Variants in NLGN1 observed in about 807,000 individuals in gnomAD.
The protein encoded by NLGN1 is neuroligin 1.
A neutral mutation model predicts 65.5 loss-of-function variants in NLGN1; 12 were observed. The ratio of observed to expected loss-of-function variants is 0.18; its 90% confidence interval spans 0.12 to 0.30. The LOEUF is 0.30. Among genes scored for constraint, NLGN1 ranks in the 10% least tolerant of loss-of-function variants. The pLI, the probability that NLGN1 is intolerant of heterozygous loss-of-function variation, is 1.00. For synonymous variants in NLGN1, 350 were observed against 359.5 expected, an observed-to-expected ratio of 0.97 and a Z score of 0.30; for missense variants, 750 against 1,007.1, an observed-to-expected ratio of 0.74 and a Z score of 3.46.
intron 4 of NLGN1, among the ~76,000 whole-genome samples, chr3:174,231,006 A>T (rs778588716): frequency 2.6e-5 from 4 of 152,150 alleles, no homozygotes; most frequent in Non-Finnish European, 4.4e-5. Context: ...TTGTTTGAGG[A>T]AGGGCTGTTA....
intron 2 of NLGN1, among the ~76,000 whole-genome samples, chr3:173,501,295 C>G (rs1465414586): frequency 6.6e-6 from 1 of 151,942 alleles, no homozygotes; most frequent in African/African-American, 2.4e-5. Flanking sequence ...GTGTTGTTCC[C>G]CTCCATGTGT....
chr3:174,239,729 C>T (rs1165856781), intron 4 of NLGN1, among the ~76,000 whole-genome samples: 3 of 152,182 alleles, frequency 2.0e-5, no homozygotes, highest in African/African-American at 7.2e-5. Context: ...GTACACCAAT[C>T]AGCTATCCAG....
intron 4 of NLGN1, among the ~76,000 whole-genome samples, chr3:174,138,797 T>C (rs896348800): frequency 6.6e-6 from 1 of 152,164 alleles, no homozygotes; most frequent in African/African-American, 2.4e-5. Context: ...TTTTACAAGA[T>C]ATTGAGTATA....
At chr3:174,071,631 GGGA>G (rs376878670) in intron 4 of NLGN1, among the ~76,000 whole-genome samples, 5 of 151,774 alleles carry the variant, frequency 3.3e-5, no homozygotes, top group Non-Finnish European at 5.9e-5. Context: ...ACTTGAGCCT[GGGA>G]GGAGAAGATT....
In NLGN1 at chr3:173,903,048, G is replaced by A. The variant is rs898313356; in HGVS notation, c.646+95216G>A. ...GTGTGTCACAGCATTCTATGCAGAT[G>A]AATAGCACTGTAAAGTTCTGGAAAA... On this transcript the variant is annotated intron_variant, in intron 4 of 6. Coordinates refer to ENST00000457714, the Ensembl canonical transcript of NLGN1. 5.3e-5 allele frequency among the ~76,000 whole-genome samples: 8 copies of A among 152,130 alleles called. No individual in the cohort carries two copies. The South Asian group carries it at 6.2e-4, about 12-fold the overall frequency.
chr3:173,775,647 T>C (rs187265639), intron 3 of NLGN1, among the ~76,000 whole-genome samples: 2 of 152,306 alleles, frequency 1.3e-5, no homozygotes, highest in East Asian at 3.9e-4. Flanking sequence ...CATTTATTAG[T>C]TGTGTAATCA....
intron 3 of NLGN1, among the ~76,000 whole-genome samples, chr3:173,640,054 C>T (rs577653743): frequency 6.6e-6 from 1 of 152,104 alleles, no homozygotes; most frequent in Non-Finnish European, 1.5e-5. Context: ...TTAAAATCAC[C>T]TATCTACATG....
chr3:173,487,442 G>A (rs1256258602), intron 2 of NLGN1, among the ~76,000 whole-genome samples: 1 of 151,800 alleles, frequency 6.6e-6, no homozygotes, highest in Non-Finnish European at 1.5e-5. Flanking sequence ...TTGATTCACT[G>A]ACTGTTCTGG....
intron 3 of NLGN1, among the ~76,000 whole-genome samples, chr3:173,758,833 AT>A (rs774329317): frequency 2.0e-4 from 30 of 151,888 alleles, no homozygotes; most frequent in Non-Finnish European, 4.0e-4. Flanking sequence ...TCAGTTCTCA[AT>A]TTTTCCTTCC....
chr3:174,109,942 C>T (rs557272981), intron 4 of NLGN1, among the ~76,000 whole-genome samples: 2 of 152,144 alleles, frequency 1.3e-5, no homozygotes, highest in Admixed American at 6.6e-5. Flanking sequence ...CCAATGCAAA[C>T]GCCCCTTTGA....
intron 2 of NLGN1, among the ~76,000 whole-genome samples, chr3:173,483,229 C>CT (rs1329480001): frequency 2.0e-5 from 3 of 151,938 alleles, no homozygotes; most frequent in Non-Finnish European, 4.4e-5. Context: ...TTAAAAAATA[C>CT]TAAGAGATTC....
chr3:173,586,055 G>A (rs1306932495), intron 2 of NLGN1, among the ~76,000 whole-genome samples: 1 of 152,044 alleles, frequency 6.6e-6, no homozygotes, highest in Non-Finnish European at 1.5e-5. Context: ...ACAAAGAACT[G>A]ATTTATTTGA....
chr3:173,604,796 G>C, exon 3 of NLGN1: 1 of 1,613,768 alleles, frequency 6.2e-7, no homozygotes, highest in Non-Finnish European at 8.5e-7. Flanking sequence ...GAGGGATTAA[G>C]AAGGAACTCA....
At chr3:173,558,792 A>G (rs1450070919) in intron 2 of NLGN1, among the ~76,000 whole-genome samples, 1 of 152,146 alleles carries the variant, frequency 6.6e-6, no homozygotes, top group Non-Finnish European at 1.5e-5. Flanking sequence ...TAACTTGGAT[A>G]TGGTCACATT....
intron 2 of NLGN1, among the ~76,000 whole-genome samples, chr3:173,523,224 A>G (rs1303293549): frequency 6.6e-6 from 1 of 151,608 alleles, no homozygotes; most frequent in East Asian, 1.9e-4. Flanking sequence ...ACTGTGTCGA[A>G]TATTTATTTT....
At chr3:173,985,780 C>A (rs1274711733) in intron 4 of NLGN1, among the ~76,000 whole-genome samples, 1 of 151,700 alleles carries the variant, frequency 6.6e-6, no homozygotes, top group Non-Finnish European at 1.5e-5. Context: ...CAAAACCCCG[C>A]CTCTACTAAA....
chr3:173,796,832 G>T (rs1714190219), intron 3 of NLGN1, among the ~76,000 whole-genome samples: 2 of 152,122 alleles, frequency 1.3e-5, no homozygotes, highest in African/African-American at 4.8e-5. Context: ...AAGGATAAAT[G>T]TGTTACCCTT....
intron 4 of NLGN1, among the ~76,000 whole-genome samples, chr3:174,192,301 A>G (rs1017189): frequency 0.54 from 82,046 of 152,030 alleles, 22,801 homozygotes; most frequent in East Asian, 0.83. Context: ...TATTATTTGA[A>G]AAATGAATGG....
intron 4 of NLGN1, among the ~76,000 whole-genome samples, chr3:174,090,282 C>T (rs1055353542): frequency 6.6e-6 from 1 of 151,986 alleles, no homozygotes; most frequent in Non-Finnish European, 1.5e-5. Flanking sequence ...ACCAGCCTGG[C>T]CAACATGATG....
Sources: allele counts gnomAD v4.1 joint callset (sites outside exome capture counted in the v4.1 genomes callset), GRCh38; gene constraint gnomAD v4.1.1; transcripts MANE v1.5; gene names NCBI Gene and HGNC (gene_info 2026-07-23, HGNC 2026-07-21).